The following BAAT variants were observed in gnomAD, a reference collection of about 807,000 sequenced individuals.
BAAT encodes bile acid-CoA:amino acid N-acyltransferase, also known as bile acid CoA: amino acid N-acyltransferase (glycine N-choloyltransferase).
BAAT carries 13 observed loss-of-function variants against 18.9 expected under a neutral mutation model. The observed-to-expected ratio is 0.69, with a 90% CI of 0.45 to 1.10. The LOEUF is 1.10. Ranked by LOEUF, BAAT falls within the 50% of genes least tolerant of loss-of-function variation. BAAT has a pLI of 0.00. For synonymous variants in BAAT, 170 were observed against 190.7 expected (o/e 0.89, Z 0.89); for missense variants, 489 against 504.0 (o/e 0.97, Z 0.28).
intron 1 of BAAT, among the ~76,000 whole-genome samples, chr9:101,381,580 C>A (rs1363414380): frequency 6.6e-6 from 1 of 151,850 alleles, no homozygotes; most frequent in Non-Finnish European, 1.5e-5. Context: ...GACAGATTGT[C>A]AAACTAATTG....
chr9:101,384,352 A>G (rs1384171476), intron 1 of BAAT, among the ~76,000 whole-genome samples: 2 of 152,208 alleles, frequency 1.3e-5, no homozygotes, highest in Non-Finnish European at 2.9e-5. Flanking sequence ...GGACACAATC[A>G]TAAGCTTATG....
chr9:101,362,581 A>G lies in BAAT; in HGVS notation c.1104T>C (p.Tyr368=), dbSNP rs772913063. 2.5e-6 allele frequency: 4 copies of G among 1,614,100 alleles called. No individual in the cohort carries two copies. The East Asian group carries it at 8.9e-5, about 36-fold the overall frequency. The change falls in exon 4 of 4, where the codon TAT becomes TAC. Residue 368 remains tyrosine (Y), a synonymous_variant. Transcript: ENST00000259407. ...TCGTTGAGGCACAGCACAGAGGAGA[A>G]TAGGGAGGTTCTATCAGGTGGCCTG... The part of the protein sequence containing the change: ...PGAGHLIEPP[Y]SPLCCASTTH...
chr9:101,378,661 A>G (rs1588144864), intron 1 of BAAT, among the ~76,000 whole-genome samples: 2 of 152,232 alleles, frequency 1.3e-5, no homozygotes, highest in Non-Finnish European at 2.9e-5. Context: ...TTCAGGACAT[A>G]GGCACAGGCA....
chr9:101,371,800 A>G (rs1829950815), intron 1 of BAAT, among the ~76,000 whole-genome samples: 1 of 152,190 alleles, frequency 6.6e-6, no homozygotes, highest in African/African-American at 2.4e-5. Flanking sequence ...GGATAAAAAT[A>G]AGATGTGGGT....
At position 101,370,962 on chromosome 9, in the gene BAAT, C is replaced by T. The variant is rs747460084; in HGVS notation, c.443G>A (p.Arg148Gln). Residue 148 changes from arginine to glutamine, a missense_variant, in exon 2 of 4, where the codon CGA (arginine) becomes CAA (glutamine). Coordinates refer to ENST00000259407, the MANE Select transcript of BAAT (RefSeq NM_001701.4). ...ACCTGGAGGGAGAAAGAGAGCTCCT[C>T]GAAGGCGGCCTTCTCGAACCTTAAT... Reference protein sequence around the residue: ...TRIKVREGRLRGALFLPPGEG... With the variant: ...TRIKVREGRLQGALFLPPGEG... 9.3e-6 allele frequency: 15 copies of T among 1,614,082 alleles called. No homozygotes were observed. The highest frequency in any genetic ancestry group is 1.1e-5 in the South Asian group (1 of 91,076).
In BAAT at chr9:101,370,863, A is replaced by T. The variant is rs1829924945; in HGVS notation, c.466+76T>A. The T allele has an allele frequency of 2.0e-6, 3 of 1,471,330 alleles. No individual in the cohort carries two copies. In the South Asian group the frequency reaches 3.4e-5, roughly 17 times the overall value. The allele number at this position is 1,471,330 out of a possible 1,614,324, so 91.1% of individuals were successfully genotyped here. A position where few individuals can be genotyped will look rare whatever the true frequency, so the allele number is the denominator to read the frequency against. Reference sequence around the variant, plus strand: ...ACCAGAGTAATTCTACAAGCTATTCAAGCTAAATTTCTAGACGGATAATGT... The same window carrying T: ...ACCAGAGTAATTCTACAAGCTATTCTAGCTAAATTTCTAGACGGATAATGT... On this transcript the variant is annotated intron_variant, in intron 2 of 3. Coordinates refer to ENST00000259407, the MANE Select transcript of BAAT (RefSeq NM_001701.4).
Position 101,362,526 on chromosome 9 carries a change from C to A in BAAT, c.1159G>T (p.Glu387Ter), listed in dbSNP as rs1417406323. The A allele has an allele frequency of 6.2e-7, 1 of 1,613,976 alleles. No individual in the cohort carries two copies. Among genetic ancestry groups the A allele is most frequent in the Non-Finnish European group, 8.5e-7 (1 of 1,180,020 alleles). The change falls in exon 4 of 4, where the codon GAG becomes TAG. Residue 387 changes from glutamate (E) to a stop codon, truncating the protein, a stop_gained. Coordinates refer to ENST00000259407, the MANE Select transcript of BAAT (RefSeq NM_001701.4). LOFTEE classifies it low-confidence loss of function (END_TRUNC). Reference sequence around the variant, plus strand: ...TGTGCAGCTGCGTGTGGGATCACCTCTCCTCCCCAGTGTAACCTCAAATCG... The same window carrying A: ...TGTGCAGCTGCGTGTGGGATCACCTATCCTCCCCAGTGTAACCTCAAATCG... ...THDLRLHWGG[E>*]VIPHAAAQEH... is the part of the protein sequence containing the mutation.
chr9:101,370,953 A>C lies in BAAT; in HGVS notation c.452T>G (p.Leu151Arg), dbSNP rs772702641. Residue 151 changes from leucine to arginine, a missense_variant, in exon 2 of 4, where the codon CTC becomes CGC. Transcript: ENST00000259407. ...KVREGRLRGA[L>R]FLPPGEGLFP... ...ATTCTACTCACCTGGAGGGAGAAAGAGAGCTCCTCGAAGGCGGCCTTCTCG... is the reference window on the plus strand; with the variant it reads ...ATTCTACTCACCTGGAGGGAGAAAGCGAGCTCCTCGAAGGCGGCCTTCTCG... 7.4e-6 allele frequency: 12 copies of C among 1,614,152 alleles called. No homozygotes were observed. The highest frequency in any genetic ancestry group is 9.3e-6 in the Non-Finnish European group (11 of 1,180,012).
In BAAT at chr9:101,368,276, A is replaced by G. The variant is rs1240683771; in HGVS notation, c.513T>C (p.Gly171=). The G allele has an allele frequency of 6.2e-7, 1 of 1,613,310 alleles. No homozygotes were observed. The highest frequency in any genetic ancestry group is 1.7e-5 in the Admixed American group (1 of 59,992). ...GGCTGGCCCGAAATTCAAGCAGCCC[A>G]CCCAAACCACCAAACAAATCAATTA... is the stretch of plus-strand genomic sequence containing the variant. ...PGVIDLFGGL[G]GLLEFRASLL... is the part of the protein sequence containing the mutation. Residue 171 remains glycine, a synonymous_variant, in exon 3 of 4, where the codon GGT becomes GGC. Coordinates refer to ENST00000259407, the MANE Select transcript of BAAT (RefSeq NM_001701.4).
rs144632156 is a variant in BAAT at position 101,378,715 on chromosome 9, C to A, written c.-60+6140G>T. On this transcript the variant is annotated intron_variant, in intron 1 of 3. Coordinates refer to ENST00000259407, the MANE Select transcript of BAAT (RefSeq NM_001701.4). The stretch of plus-strand genomic sequence containing the variant: ...CACCAAAAGCAATTTCACCAGAAGC[C>A]AAAATTGACAAATGGGATCTAATTA... Among the ~76,000 whole-genome samples the A allele has an allele frequency of 5.7e-4, 87 of 152,174 alleles. 3 individuals are homozygous for A. In the East Asian group the frequency reaches 0.015, roughly 27 times the overall value.
At chr9:101,376,530 T>C (rs1681168885) in intron 1 of BAAT, 1 of 152,460 alleles carries the variant, frequency 6.6e-6, no homozygotes, top group African/African-American at 2.4e-5. Flanking sequence ...GTTGAGATTT[T>C]CATTGTTGCG....
intron 3 of BAAT, among the ~76,000 whole-genome samples, chr9:101,364,352 G>GAC (rs1265773231): frequency 6.6e-6 from 1 of 152,112 alleles, no homozygotes; most frequent in Non-Finnish European, 1.5e-5. Context: ...TCCTGAAACT[G>GAC]CCAGAGTCAT....
At chr9:101,384,785 C>A (rs1830178117) in intron 1 of BAAT, among the ~76,000 whole-genome samples, 70 bp downstream of exon 1, 1 of 152,010 alleles carries the variant, frequency 6.6e-6, no homozygotes, top group South Asian at 2.1e-4. Flanking sequence ...GAAAGGATTA[C>A]TGAGAGTCTG....
In BAAT at chr9:101,362,783, G is replaced by C. The variant is rs1829758175; in HGVS notation, c.902C>G (p.Thr301Arg). 6.2e-7 allele frequency: 1 copy of C among 1,614,052 alleles called. No individual in the cohort carries two copies. Among genetic ancestry groups the C allele is most frequent in the Non-Finnish European group, 8.5e-7 (1 of 1,180,026 alleles). The change falls in exon 4 of 4, where the codon ACA becomes AGA. Residue 301 changes from threonine (T) to arginine (R), a missense_variant. Physicochemically the swap from Thr to Arg is moderately conservative, Grantham distance 71. Coordinates refer to ENST00000259407, the MANE Select transcript of BAAT (RefSeq NM_001701.4). ...ATATTGACTGGCCCCAACTTGAGTT[G>C]TCTCAAAAGTGCGATAGAGCTCTAG... is the stretch of plus-strand genomic sequence containing the variant. ...GLLELYRTFETTQVGASQYLF... is the reference protein window; with the variant it reads ...GLLELYRTFERTQVGASQYLF...
chr9:101,374,876 C>G (rs1407625151), intron 1 of BAAT, among the ~76,000 whole-genome samples: 1 of 151,886 alleles, frequency 6.6e-6, no homozygotes, highest in Admixed American at 6.6e-5. Context: ...AATGAGTTAG[C>G]CTTGTGAATG....
At position 101,362,290 on chromosome 9, in the gene BAAT, A is replaced by G. The variant is rs1829739903; in HGVS notation, c.*138T>C. ...AGTATAAGTGAAATATCAGGTTTTT[A>G]CCCTATGCTCTTTTTAATCATTAAA... On this transcript the variant is annotated 3_prime_UTR_variant, in exon 4 of 4. Transcript: ENST00000259407. The G allele has an allele frequency of 1.1e-6, 1 of 922,278 alleles. No homozygotes were observed. Among genetic ancestry groups the G allele is most frequent in the African/African-American group, 1.7e-5 (1 of 60,310 alleles). The allele number at this position is 922,278 out of a possible 1,614,324, so 57.1% of individuals were successfully genotyped here. A position where few individuals can be genotyped will look rare whatever the true frequency, so the allele number is the denominator to read the frequency against.
At chr9:101,366,148 C>A (rs1384358929) in intron 3 of BAAT, among the ~76,000 whole-genome samples, 1 of 151,798 alleles carries the variant, frequency 6.6e-6, no homozygotes, top group Non-Finnish European at 1.5e-5. Context: ...AATCCTATAT[C>A]TTAATATATA....
intron 3 of BAAT, among the ~76,000 whole-genome samples, chr9:101,367,134 A>C (rs11324130): frequency 6.8e-6 from 1 of 146,508 alleles, no homozygotes; most frequent in Non-Finnish European, 1.5e-5. Flanking sequence ...AAAAAAAAAA[A>C]GGAAAGGAAA....
Position 101,361,404 on chromosome 9 carries a change from T to G in BAAT, c.*1024A>C, listed in dbSNP as rs1433161433. 1 of 152,638 alleles carries G rather than the reference T, an allele frequency of 6.6e-6. No individual in the cohort carries two copies. Among genetic ancestry groups the G allele is most frequent in the African/African-American group, 2.4e-5 (1 of 41,458 alleles). 9.5% of individuals were successfully genotyped at this position (152,638 alleles called of 1,614,324 possible). A position where few individuals can be genotyped will look rare whatever the true frequency, so the allele number is the denominator to read the frequency against. ...AAGCCTTATAGCAAAAAAAATTTTT[T>G]AATATTTGCAAAGGACTGTACAGCA... On this transcript the variant is annotated 3_prime_UTR_variant, in exon 4 of 4. Transcript: ENST00000259407.
Sources: gnomAD v4.1 joint callset for allele counts (sites outside exome capture counted in the v4.1 genomes callset) on GRCh38, gnomAD v4.1.1 for gene constraint, MANE v1.5 for transcripts, NCBI Gene and HGNC (gene_info 2026-07-23, HGNC 2026-07-21) for gene names.